The following SH3GLB1 variants were observed in gnomAD, a reference collection of about 807,000 sequenced individuals.
SH3GLB1 encodes the protein SH3 domain containing GRB2 like, endophilin B1.
In SH3GLB1, 17 loss-of-function variants were observed where a neutral mutation model predicts 42.0. The observed-to-expected ratio is 0.40, with a 90% confidence interval of 0.28 to 0.61. The LOEUF (loss-of-function observed/expected upper bound fraction) is 0.61, where lower values mean the gene tolerates loss of function less well. SH3GLB1 is among the 20% of genes least tolerant of loss of function. The pLI, the probability that SH3GLB1 is intolerant of heterozygous loss-of-function variation, is 0.36. For synonymous variants in SH3GLB1, 132 were observed against 146.6 expected (o/e 0.90, Z 0.72); for missense variants, 355 against 426.3 (o/e 0.83, Z 1.47).
intron 5 of SH3GLB1, among the ~76,000 whole-genome samples, chr1:86,724,892 A>AAATAT (rs1291454820): frequency 2.4e-4 from 24 of 99,698 alleles, no homozygotes; most frequent in African/African-American, 6.0e-4. Flanking sequence ...AAAAAAAAAA[A>AAATAT]ATATATATAT....
At chr1:86,710,449 G>A (rs1386614247) in intron 1 of SH3GLB1, among the ~76,000 whole-genome samples, 1 of 152,016 alleles carries the variant, frequency 6.6e-6, no homozygotes, top group Non-Finnish European at 1.5e-5. Flanking sequence ...ATTTTTAGTA[G>A]AGACGGGGTT....
chr1:86,734,581 A>G, intron 5 of SH3GLB1, 21 bp from the exon 6 acceptor site: 2 of 1,563,736 alleles, frequency 1.3e-6, no homozygotes, highest in East Asian at 2.2e-5. Context: ...AAGAGATTCT[A>G]AAACTATATT....
intron 2 of SH3GLB1, among the ~76,000 whole-genome samples, chr1:86,718,257 G>T (rs1654666769): frequency 6.6e-6 from 1 of 151,828 alleles, no homozygotes; most frequent in Non-Finnish European, 1.5e-5. Flanking sequence ...TGTCAGCCAG[G>T]CTGGTCTCAA....
intron 1 of SH3GLB1, 43 bp downstream of exon 1, chr1:86,705,014 A>G: frequency 7.5e-7 from 1 of 1,330,748 alleles, no homozygotes; most frequent in Non-Finnish European, 1.0e-6. Flanking sequence ...GCGCCCGGGA[A>G]GGTTGAGGGA....
At chr1:86,710,822 G>A (rs903081739) in intron 1 of SH3GLB1, among the ~76,000 whole-genome samples, 1 of 152,210 alleles carries the variant, frequency 6.6e-6, no homozygotes, top group African/African-American at 2.4e-5. Context: ...AAAGAGGAAA[G>A]TAAAGTAATG....
chr1:86,743,745 A>G lies in SH3GLB1; in HGVS notation c.*510A>G, dbSNP rs1312564206. ...TCATAGACAAAAACGCATTTAAACT[A>G]TGTTTACCTGGTTTTCCAACAGAAA... On this transcript the variant is annotated 3_prime_UTR_variant, in exon 9 of 9. Coordinates refer to ENST00000370558, the MANE Select transcript of SH3GLB1 (RefSeq NM_016009.5). 2 of 152,608 alleles carry G rather than the reference A, an allele frequency of 1.3e-5. No homozygotes were observed. The highest frequency in any genetic ancestry group is 6.5e-5 in the Admixed American group (1 of 15,280). 9.5% of individuals were successfully genotyped at this position (152,608 alleles called of 1,614,324 possible). A position where few individuals can be genotyped will look rare whatever the true frequency, so the allele number is the denominator to read the frequency against.
intron 1 of SH3GLB1, among the ~76,000 whole-genome samples, chr1:86,705,335 A>G (rs1653788890): frequency 6.6e-6 from 1 of 152,058 alleles, no homozygotes; most frequent in Non-Finnish European, 1.5e-5. Context: ...GGTAACCGAG[A>G]CACAGGCCAT....
At chr1:86,719,986 ACT>A (rs1654774722) in intron 3 of SH3GLB1, among the ~76,000 whole-genome samples, 1 of 121,862 alleles carries the variant, frequency 8.2e-6, no homozygotes, top group Admixed American at 9.4e-5. Flanking sequence ...ACAGAACGAG[ACT>A]CTGTCTCAAA....
chr1:86,733,098 T>C (rs1427573153), intron 5 of SH3GLB1, among the ~76,000 whole-genome samples: 1 of 152,182 alleles, frequency 6.6e-6, no homozygotes, highest in South Asian at 2.1e-4. Flanking sequence ...CTTCTTTTTT[T>C]CTTCTGGGAC....
chr1:86,736,842 C>G (rs545006144), intron 7 of SH3GLB1, among the ~76,000 whole-genome samples: 3 of 152,302 alleles, frequency 2.0e-5, no homozygotes, highest in South Asian at 2.1e-4. Flanking sequence ...TAATTTGTTG[C>G]AGGTTATGCT....
intron 7 of SH3GLB1, among the ~76,000 whole-genome samples, chr1:86,737,124 A>G (rs944548523): frequency 6.6e-6 from 1 of 152,224 alleles, no homozygotes; most frequent in Non-Finnish European, 1.5e-5. Flanking sequence ...ATTATTATCC[A>G]TATTTTAAAG....
intron 1 of SH3GLB1, 138 bp from the exon 2 acceptor site, chr1:86,715,585 AG>A: frequency 1.2e-6 from 1 of 862,214 alleles, no homozygotes; most frequent in Non-Finnish European, 1.7e-6. Context: ...AGTATTCATA[AG>A]CAATGGCTTA....
At position 86,704,865 on chromosome 1, in the gene SH3GLB1, C is replaced by G. The variant is rs1288590206; in HGVS notation, c.-35C>G. The G allele has an allele frequency of 6.7e-7, 1 of 1,490,658 alleles. No homozygotes were observed. Among genetic ancestry groups the G allele is most frequent in the Non-Finnish European group, 9.1e-7 (1 of 1,104,256 alleles). 92.3% of individuals were successfully genotyped at this position (1,490,658 alleles called of 1,614,324 possible). ...CCGCGGCACCTCCGCCTCGCCGCCG[C>G]TAGGTCGGCCGGCTCCGCCCGGCTG... is the stretch of plus-strand genomic sequence containing the variant. On this transcript the variant is annotated 5_prime_UTR_variant, in exon 1 of 9. Coordinates refer to ENST00000370558, the MANE Select transcript of SH3GLB1 (RefSeq NM_016009.5).
chr1:86,711,917 T>A (rs1010658409), intron 1 of SH3GLB1, among the ~76,000 whole-genome samples: 5 of 152,128 alleles, frequency 3.3e-5, no homozygotes, highest in Non-Finnish European at 7.4e-5. Context: ...ATTAGTAATT[T>A]AAATATTAAT....
intron 7 of SH3GLB1, among the ~76,000 whole-genome samples, chr1:86,740,105 G>T (rs1655984432): frequency 6.6e-6 from 1 of 151,326 alleles, no homozygotes. Context: ...AGCCAAGATT[G>T]AACCACTGCA....
At chr1:86,720,371 G>A (rs891322641) in intron 3 of SH3GLB1, among the ~76,000 whole-genome samples, 4 of 152,114 alleles carry the variant, frequency 2.6e-5, no homozygotes, top group Non-Finnish European at 5.9e-5. Context: ...AGTAATGTCA[G>A]TAACCAAAAA....
intron 1 of SH3GLB1, among the ~76,000 whole-genome samples, chr1:86,711,254 G>C (rs1654193694): frequency 6.6e-6 from 1 of 151,686 alleles, no homozygotes; most frequent in Non-Finnish European, 1.5e-5. Flanking sequence ...TAAAAGTAGA[G>C]TTTGGAATCC....
At chr1:86,723,022 A>G (rs1276401948) in intron 4 of SH3GLB1, among the ~76,000 whole-genome samples, 2 of 152,180 alleles carry the variant, frequency 1.3e-5, no homozygotes, top group African/African-American at 4.8e-5. Flanking sequence ...ATTTTAACTT[A>G]TTTTCTTAGT....
chr1:86,710,420 G>A (rs569316699), intron 1 of SH3GLB1, among the ~76,000 whole-genome samples: 3 of 152,026 alleles, frequency 2.0e-5, no homozygotes, highest in South Asian at 2.1e-4. Flanking sequence ...ACGCGCCACC[G>A]TGCCCGGCTA....
Sources: allele counts gnomAD v4.1 joint callset (sites outside exome capture counted in the v4.1 genomes callset), GRCh38; gene constraint gnomAD v4.1.1; transcripts MANE v1.5; gene names NCBI Gene and HGNC (gene_info 2026-07-23, HGNC 2026-07-21).